Variants in ADCY2 observed in about 807,000 individuals in gnomAD.
The protein encoded by ADCY2 is adenylate cyclase type 2.
Under a neutral mutation model 125.2 loss-of-function variants are expected in ADCY2, and 31 were observed. That is an observed-to-expected ratio of 0.25 (90% CI 0.19 to 0.33). The LOEUF (loss-of-function observed/expected upper bound fraction) is 0.33. ADCY2 is among the 10% of genes least tolerant of loss of function. The pLI, the probability that ADCY2 is intolerant of heterozygous loss-of-function variation, is 1.00. For synonymous variants in ADCY2, 512 were observed against 548.4 expected (o/e 0.93, Z 0.93); for missense variants, 904 against 1,418.2 (o/e 0.64, Z 5.82).
chr5:7,773,343 T>C (rs1045732828), intron 18 of ADCY2, among the ~76,000 whole-genome samples: 3 of 152,234 alleles, frequency 2.0e-5, no homozygotes, highest in African/African-American at 7.2e-5. Context: ...AACTGTGTTA[T>C]AACTGTACTA....
At chr5:7,622,902 C>A (rs528975421) in intron 3 of ADCY2, among the ~76,000 whole-genome samples, 3 of 152,132 alleles carry the variant, frequency 2.0e-5, no homozygotes, top group Admixed American at 6.5e-5. Context: ...GCTGCCCCAG[C>A]GTGGGGGAAG....
At chr5:7,609,895 G>C (rs184283122) in intron 3 of ADCY2, among the ~76,000 whole-genome samples, 15 of 152,284 alleles carry the variant, frequency 9.9e-5, no homozygotes, top group African/African-American at 3.6e-4. Flanking sequence ...TCCACACAGG[G>C]AGAGAGCCAG....
chr5:7,577,452 G>A (rs1178900062), intron 3 of ADCY2, among the ~76,000 whole-genome samples: 1 of 152,140 alleles, frequency 6.6e-6, no homozygotes, highest in African/African-American at 2.4e-5. Context: ...CATATAGCTA[G>A]GATAGAGATG....
chr5:7,627,019 G>T (rs540665011), intron 4 of ADCY2, among the ~76,000 whole-genome samples: 2 of 152,156 alleles, frequency 1.3e-5, no homozygotes, highest in Non-Finnish European at 2.9e-5. Context: ...AGAACAGTTC[G>T]TGAAAATGCT....
chr5:7,689,942 T>C (rs1026990147), intron 4 of ADCY2, among the ~76,000 whole-genome samples: 3 of 152,226 alleles, frequency 2.0e-5, no homozygotes, highest in African/African-American at 7.2e-5. Flanking sequence ...AAAACTATTG[T>C]GTATTTTCAT....
At chr5:7,787,591 A>G (rs565954360) in intron 19 of ADCY2, among the ~76,000 whole-genome samples, 74 of 152,168 alleles carry the variant, frequency 4.9e-4, no homozygotes, top group Non-Finnish European at 7.9e-4. Flanking sequence ...AGCTACTTAC[A>G]TATAAGACAG....
intron 3 of ADCY2, among the ~76,000 whole-genome samples, chr5:7,587,861 A>C (rs1185537911): frequency 1.3e-5 from 2 of 152,236 alleles, no homozygotes; most frequent in East Asian, 3.8e-4. Flanking sequence ...TTCAGCTGCC[A>C]GAAGTCTGGG....
At position 7,803,716 on chromosome 5, in the gene ADCY2, T is replaced by C. The variant is rs543514280; in HGVS notation, c.2776-869T>C. Among the ~76,000 whole-genome samples the C allele has an allele frequency of 5.3e-5, 8 of 152,138 alleles. No homozygotes were observed. The East Asian group carries it at 1.4e-3, about 26-fold the overall frequency. Reference sequence around the variant, plus strand: ...GAGTTTGAGACCAGCCTGGGCTACATAGGGAGACCCTGTCTCTGCAAAATA... The same window carrying C: ...GAGTTTGAGACCAGCCTGGGCTACACAGGGAGACCCTGTCTCTGCAAAATA... On this transcript the variant is annotated intron_variant, in intron 21 of 24. Transcript: ENST00000338316.
At chr5:7,825,252 A>G (rs1440350021) in intron 24 of ADCY2, among the ~76,000 whole-genome samples, 6 of 152,036 alleles carry the variant, frequency 3.9e-5, no homozygotes, top group Non-Finnish European at 5.9e-5. Context: ...TGACATGACA[A>G]CGCTGCTGTG....
intron 14 of ADCY2, among the ~76,000 whole-genome samples, chr5:7,738,913 G>A (rs1444675800): frequency 6.6e-6 from 1 of 151,662 alleles, no homozygotes; most frequent in African/African-American, 2.4e-5. Flanking sequence ...GACCATAAAA[G>A]CATCTTATGC....
chr5:7,617,049 G>A (rs890102099), intron 3 of ADCY2, among the ~76,000 whole-genome samples: 7 of 152,158 alleles, frequency 4.6e-5, no homozygotes, highest in African/African-American at 1.2e-4. Context: ...AAGTGATTAG[G>A]TCATGAGGGC....
intron 4 of ADCY2, among the ~76,000 whole-genome samples, chr5:7,648,739 A>G (rs138849875): frequency 1.2e-3 from 184 of 152,352 alleles, no homozygotes; most frequent in Non-Finnish European, 2.2e-3. Context: ...TGTATCATTT[A>G]ATATGATTTT....
chr5:7,404,426 C>T (rs370087021), intron 1 of ADCY2, among the ~76,000 whole-genome samples: 2 of 152,104 alleles, frequency 1.3e-5, no homozygotes, highest in East Asian at 1.9e-4. Context: ...CACAACACAA[C>T]AAATGTTTAT....
At chr5:7,748,529 C>CAT (rs1553984351) in intron 15 of ADCY2, among the ~76,000 whole-genome samples, 1 of 61,478 alleles carries the variant, frequency 1.6e-5, no homozygotes, top group Non-Finnish European at 4.2e-5. Flanking sequence ...AACACACACA[C>CAT]ACACACACAC....
intron 24 of ADCY2, among the ~76,000 whole-genome samples, chr5:7,825,150 C>T (rs1189468483): frequency 6.7e-6 from 1 of 149,790 alleles, no homozygotes; most frequent in Non-Finnish European, 1.5e-5. Context: ...CATAATAACG[C>T]TGCTGTGTGC....
chr5:7,732,614 G>A (rs538087684), intron 14 of ADCY2, among the ~76,000 whole-genome samples: 1 of 152,282 alleles, frequency 6.6e-6, no homozygotes, highest in Admixed American at 6.5e-5. Context: ...TAGAATAATG[G>A]TGGCTCTCAC....
chr5:7,521,720 G>A (rs992870349), intron 3 of ADCY2, among the ~76,000 whole-genome samples: 3 of 152,150 alleles, frequency 2.0e-5, no homozygotes, highest in African/African-American at 7.2e-5. Flanking sequence ...TTTCTTTCAC[G>A]TGATGTGCTA....
intron 2 of ADCY2, among the ~76,000 whole-genome samples, chr5:7,507,928 A>T (rs1254340658): frequency 6.6e-6 from 1 of 151,802 alleles, no homozygotes; most frequent in Non-Finnish European, 1.5e-5. Flanking sequence ...TTGTAAAATT[A>T]AAAAAAAACT....
intron 3 of ADCY2, among the ~76,000 whole-genome samples, chr5:7,530,478 C>G (rs919518498): frequency 6.6e-6 from 1 of 152,122 alleles, no homozygotes; most frequent in Non-Finnish European, 1.5e-5. Flanking sequence ...CTCCTGGCCT[C>G]AAGCGATCCT....
Sources: gnomAD v4.1 joint callset for allele counts (sites outside exome capture counted in the v4.1 genomes callset) on GRCh38, gnomAD v4.1.1 for gene constraint, MANE v1.5 for transcripts, NCBI Gene and HGNC (gene_info 2026-07-23, HGNC 2026-07-21) for gene names.